HDAC9: variants seen among roughly 807,000 people sequenced by gnomAD.
The protein encoded by HDAC9 is MEF-2 interacting transcription repressor (MITR) protein.
HDAC9 carries 41 observed loss-of-function variants against 139.4 expected under a neutral mutation model. The observed-to-expected ratio is 0.29, with a 90% CI of 0.23 to 0.38. The LOEUF (loss-of-function observed/expected upper bound fraction) is 0.38. Among genes scored for constraint, HDAC9 ranks in the 10% least tolerant of loss-of-function variants. HDAC9 has a pLI of 1.00. For synonymous variants in HDAC9, 517 were observed against 476.2 expected (o/e 1.09, Z -1.12); for missense variants, 1,147 against 1,297.0 (o/e 0.88, Z 1.78).
intron 21 of HDAC9, among the ~76,000 whole-genome samples, chr7:18,873,016 AAAAACTT>A (rs1176951403): frequency 2.6e-5 from 4 of 152,144 alleles, no homozygotes; most frequent in African/African-American, 9.7e-5. Context: ...AATTCTTTGG[AAAAACTT>A]GTTTCAATCT....
At chr7:18,936,962 G>T (rs998996110) in intron 23 of HDAC9, among the ~76,000 whole-genome samples, 2 of 146,426 alleles carry the variant, frequency 1.4e-5, no homozygotes, top group South Asian at 2.2e-4. Flanking sequence ...AAAAATGTAT[G>T]TTGTTAATTT....
At chr7:18,566,415 G>T (rs1368289449) in intron 2 of HDAC9, among the ~76,000 whole-genome samples, 1 of 152,136 alleles carries the variant, frequency 6.6e-6, no homozygotes, top group African/African-American at 2.4e-5. Flanking sequence ...TATTATGTAT[G>T]GTGGTTATTG....
At chr7:18,625,868 C>T (rs1169313258) in intron 6 of HDAC9, among the ~76,000 whole-genome samples, 2 of 146,564 alleles carry the variant, frequency 1.4e-5, no homozygotes, top group Admixed American at 1.4e-4. Context: ...CTCTGGAACC[C>T]AGGAGGCGGA....
chr7:18,564,696 G>A (rs1417187964), intron 2 of HDAC9, among the ~76,000 whole-genome samples: 1 of 151,722 alleles, frequency 6.6e-6, no homozygotes, highest in South Asian at 2.1e-4. Flanking sequence ...ATTCCTTTTC[G>A]TTAAGAGACT....
At chr7:18,307,100 T>A (rs1235022160) in intron 1 of HDAC9, among the ~76,000 whole-genome samples, 1 of 6,862 alleles carries the variant, frequency 1.5e-4, no homozygotes, top group Non-Finnish European at 3.0e-4. Flanking sequence ...GCAGTTCTTG[T>A]GTGTGTGTGT....
intron 22 of HDAC9, among the ~76,000 whole-genome samples, chr7:18,896,727 T>G (rs1801234807): frequency 6.6e-6 from 1 of 152,078 alleles, no homozygotes; most frequent in East Asian, 1.9e-4. Flanking sequence ...TTTCTTTTTG[T>G]GCAAAAGCCA....
intron 1 of HDAC9, among the ~76,000 whole-genome samples, chr7:18,315,461 C>A (rs1278580144): frequency 6.6e-6 from 1 of 152,168 alleles, no homozygotes; most frequent in Non-Finnish European, 1.5e-5. Flanking sequence ...ACACTCTTAA[C>A]CTCTGTGCTT....
chr7:18,846,710 A>C (rs1585144117), intron 21 of HDAC9, among the ~76,000 whole-genome samples: 1 of 152,316 alleles, frequency 6.6e-6, no homozygotes, highest in East Asian at 1.9e-4. Flanking sequence ...AAGAATGGAA[A>C]AATTATTTAC....
intron 1 of HDAC9, among the ~76,000 whole-genome samples, chr7:18,410,582 A>G (rs1788450979): frequency 6.6e-6 from 1 of 152,234 alleles, no homozygotes; most frequent in Middle Eastern, 3.2e-3. Flanking sequence ...CTATATTTTA[A>G]TAAAGACTTG....
At chr7:18,311,392 A>T (rs1056531217) in intron 1 of HDAC9, among the ~76,000 whole-genome samples, 1 of 152,122 alleles carries the variant, frequency 6.6e-6, no homozygotes, top group African/African-American at 2.4e-5. Flanking sequence ...GTGAGTTTTT[A>T]TTCCCTTCCA....
intron 15 of HDAC9, among the ~76,000 whole-genome samples, chr7:18,763,172 T>C (rs922828311): frequency 6.6e-6 from 1 of 152,222 alleles, no homozygotes; most frequent in African/African-American, 2.4e-5. Context: ...ATTTCAAAAT[T>C]GTTTTATATT....
At chr7:18,129,091 C>T (rs761616897) in intron 1 of HDAC9, among the ~76,000 whole-genome samples, 1 of 152,230 alleles carries the variant, frequency 6.6e-6, no homozygotes, top group South Asian at 2.1e-4. Flanking sequence ...GTGATTGAAG[C>T]AAGGAGACTG....
At chr7:18,788,984 G>A (rs7782894) in intron 16 of HDAC9, among the ~76,000 whole-genome samples, 106,879 of 151,726 alleles carry the variant, frequency 0.7, 39,640 homozygotes, top group Non-Finnish European at 0.83. Flanking sequence ...TAATCAACAA[G>A]CATGCCTGGT....
chr7:18,723,653 G>T (rs1284052410), intron 12 of HDAC9, among the ~76,000 whole-genome samples: 1 of 152,024 alleles, frequency 6.6e-6, no homozygotes, highest in African/African-American at 2.4e-5. Flanking sequence ...TTTTGAGTTA[G>T]CAAACTGTTT....
intron 6 of HDAC9, among the ~76,000 whole-genome samples, chr7:18,599,468 C>T (rs951424155): frequency 2.0e-5 from 3 of 152,112 alleles, no homozygotes; most frequent in African/African-American, 4.8e-5. Flanking sequence ...TATTCATCCT[C>T]CCCCCACCCA....
At chr7:18,421,194 G>T (rs1196329605) in intron 1 of HDAC9, among the ~76,000 whole-genome samples, 1 of 152,220 alleles carries the variant, frequency 6.6e-6, no homozygotes, top group Non-Finnish European at 1.5e-5. Context: ...GTGTTTTCAA[G>T]AAATTATTTC....
rs75504513 is a variant in HDAC9, at chr7:18,651,717, A to C, written c.1467+3034A>C. Among the ~76,000 whole-genome samples, 1,404 of 152,264 alleles carry C rather than the reference A, an allele frequency of 9.2e-3. 25 individuals carry two copies. Among genetic ancestry groups the C allele is most frequent in the African/African-American group, 0.032 (1,331 of 41,556 alleles). Reference sequence around the variant, plus strand: ...ATAATGTAACTGTTATTAATCATACAAAATAATTTACCTACTTGTTGCCTT... The same window carrying C: ...ATAATGTAACTGTTATTAATCATACCAAATAATTTACCTACTTGTTGCCTT... On this transcript the variant is annotated intron_variant, in intron 11 of 25. Coordinates refer to ENST00000686413, the MANE Select transcript of HDAC9 (RefSeq NM_178425.4).
chr7:18,666,195 C>A lies in HDAC9; in HGVS notation c.1468-18C>A. 6.3e-7 allele frequency: 1 copy of A among 1,593,338 alleles called. No homozygotes were observed. Among genetic ancestry groups the A allele is most frequent in the Admixed American group, 1.7e-5 (1 of 58,496 alleles). ...TGAAGAACTACTGAATTTTGAACCC[C>A]TGAACACTCTCTTCTAGCTGCTTTC... is the stretch of plus-strand genomic sequence containing the variant. On this transcript the variant is annotated intron_variant, in intron 11 of 25. Transcript: ENST00000686413.
chr7:18,257,207 G>A (rs985130026), intron 2 of HDAC9, among the ~76,000 whole-genome samples: 37 of 150,774 alleles, frequency 2.5e-4, no homozygotes, highest in African/African-American at 9.0e-4. Context: ...AGGTGTGGTG[G>A]TTCACACCTG....
Sources: allele counts gnomAD v4.1 joint callset (sites outside exome capture counted in the v4.1 genomes callset), GRCh38; gene constraint gnomAD v4.1.1; transcripts MANE v1.5; gene names NCBI Gene and HGNC (gene_info 2026-07-23, HGNC 2026-07-21).